RBM33: variants seen among roughly 807,000 people sequenced by gnomAD.
RBM33 encodes the protein RNA-binding protein 33.
RBM33 carries 28 observed loss-of-function variants against 132.6 expected under a neutral mutation model. The observed-to-expected ratio is 0.21, with a 90% CI of 0.16 to 0.29. The LOEUF is 0.29. Ranked by LOEUF, RBM33 falls within the 10% of genes least tolerant of loss-of-function variation. The pLI is 1.00. For missense variants in RBM33, 1,291 were observed against 1,518.5 expected (o/e 0.85, Z 2.49); for synonymous variants, 634 against 593.0 (o/e 1.07, Z -1.01).
chr7:155,683,557 G>A (rs1244144946), intron 5 of RBM33, among the ~76,000 whole-genome samples: 1 of 152,206 alleles, frequency 6.6e-6, no homozygotes, highest in East Asian at 1.9e-4. Context: ...AGAATGTACA[G>A]TGGGAGGGTT....
chr7:155,690,084 G>T (rs1375585820), intron 5 of RBM33, among the ~76,000 whole-genome samples: 3 of 151,990 alleles, frequency 2.0e-5, no homozygotes, highest in African/African-American at 7.3e-5. Flanking sequence ...AAAGTCTCCC[G>T]TTATTATTGT....
At chr7:155,707,585 T>G (rs757589879) in intron 7 of RBM33, among the ~76,000 whole-genome samples, 5 of 152,336 alleles carry the variant, frequency 3.3e-5, no homozygotes, top group Admixed American at 1.3e-4. Context: ...ACCTGTAATT[T>G]CAATTAGAAT....
chr7:155,700,126 C>T (rs1477886047), intron 5 of RBM33, among the ~76,000 whole-genome samples: 2 of 152,054 alleles, frequency 1.3e-5, no homozygotes, highest in Non-Finnish European at 2.9e-5. Flanking sequence ...AATAAAATTT[C>T]AGATAAAAGC....
At chr7:155,650,375 G>T (rs1380236796) in intron 1 of RBM33, among the ~76,000 whole-genome samples, 1 of 152,190 alleles carries the variant, frequency 6.6e-6, no homozygotes, top group Non-Finnish European at 1.5e-5. Flanking sequence ...GTGATTATGT[G>T]TTCTTCCCCT....
At chr7:155,769,428 G>T (rs751547829) in intron 16 of RBM33, among the ~76,000 whole-genome samples, 3 of 152,210 alleles carry the variant, frequency 2.0e-5, no homozygotes, top group African/African-American at 4.8e-5. Flanking sequence ...AGGCCAGGGG[G>T]GCTGCCGTCC....
chr7:155,673,947 T>TTG (rs1563138363), intron 3 of RBM33, among the ~76,000 whole-genome samples: 4 of 97,788 alleles, frequency 4.1e-5, no homozygotes, highest in African/African-American at 1.2e-4. Context: ...TTAGTTTTTT[T>TTG]TTTTTTTTTT....
At chr7:155,761,981 G>A (rs1802051227) in intron 14 of RBM33, among the ~76,000 whole-genome samples, 1 of 152,184 alleles carries the variant, frequency 6.6e-6, no homozygotes, top group South Asian at 2.1e-4. Context: ...TTTGTTCAGT[G>A]TTTGTATTAT....
intron 16 of RBM33, chr7:155,766,999 T>C: frequency 3.7e-6 from 1 of 273,610 alleles, no homozygotes; most frequent in Non-Finnish European, 6.8e-6. Context: ...TGTAATAACA[T>C]TACATTTTAA....
rs1021640844 is a variant in RBM33, at chr7:155,682,485, T to C, written c.567+1577T>C. On this transcript the variant is annotated intron_variant, in intron 5 of 17. Coordinates refer to ENST00000401878, the MANE Select transcript of RBM33 (RefSeq NM_053043.3). ...TTTTTGAAAATTAAACCAAGATCTTTTAGAATTGTGCCTAGTTATTGCCTA... is the reference window on the plus strand; with the variant it reads ...TTTTTGAAAATTAAACCAAGATCTTCTAGAATTGTGCCTAGTTATTGCCTA... Among the ~76,000 whole-genome samples the C allele has an allele frequency of 2.6e-5, 4 of 152,226 alleles. No individual in the cohort carries two copies. The East Asian group carries it at 5.8e-4, about 22-fold the overall frequency.
intron 5 of RBM33, chr7:155,685,146 A>G: frequency 7.7e-7 from 1 of 1,300,388 alleles, no homozygotes; most frequent in Non-Finnish European, 1.1e-6. Context: ...GAAAGTCGAT[A>G]CGTATCTTTG....
chr7:155,657,340 C>A (rs1798520441), intron 1 of RBM33, among the ~76,000 whole-genome samples: 1 of 152,064 alleles, frequency 6.6e-6, no homozygotes, highest in South Asian at 2.1e-4. Flanking sequence ...CCCTAGCTGT[C>A]CATCAGAATT....
At chr7:155,656,329 T>A in intron 1 of RBM33, among the ~76,000 whole-genome samples, 1 of 152,016 alleles carries the variant, frequency 6.6e-6, no homozygotes, top group Non-Finnish European at 1.5e-5. Context: ...AAATCATGGT[T>A]AAAGATCCAA....
intron 5 of RBM33, among the ~76,000 whole-genome samples, chr7:155,696,708 A>G (rs1799803866): frequency 6.6e-6 from 1 of 152,156 alleles, no homozygotes; most frequent in African/African-American, 2.4e-5. Context: ...AAAATGATGA[A>G]CCATGTTCCA....
chr7:155,770,490 G>T (rs1315410382), intron 16 of RBM33, among the ~76,000 whole-genome samples: 2 of 152,002 alleles, frequency 1.3e-5, no homozygotes, highest in Non-Finnish European at 2.9e-5. Flanking sequence ...CCGCTCTAGT[G>T]TCAGACTCTG....
intron 1 of RBM33, among the ~76,000 whole-genome samples, chr7:155,655,240 A>G (rs1798459454): frequency 6.6e-6 from 1 of 152,080 alleles, no homozygotes; most frequent in African/African-American, 2.4e-5. Flanking sequence ...ATTATTGGGG[A>G]TATTTTTTCA....
intron 9 of RBM33, 23 bp downstream of exon 9, chr7:155,718,466 C>A (rs757671569): frequency 6.3e-7 from 1 of 1,597,162 alleles, no homozygotes; most frequent in South Asian, 1.1e-5. Context: ...TGCTCCTTCT[C>A]CTTTGATAGG....
intron 3 of RBM33, 118 bp from the exon 4 acceptor site, chr7:155,678,490 C>T (rs935782507): frequency 5.0e-5 from 31 of 621,044 alleles, no homozygotes; most frequent in Non-Finnish European, 5.8e-5. Context: ...GAAAGCCTTC[C>T]GGGTGGCAAA....
At chr7:155,737,944 C>G (rs559445915) in intron 10 of RBM33, 116 bp from the exon 11 acceptor site, 1 of 968,950 alleles carries the variant, frequency 1.0e-6, no homozygotes, top group East Asian at 2.4e-5. Context: ...TTCCAACATT[C>G]ATAACCTGTC....
chr7:155,735,319 C>T (rs1801080883), intron 9 of RBM33, among the ~76,000 whole-genome samples: 1 of 152,310 alleles, frequency 6.6e-6, no homozygotes, highest in African/African-American at 2.4e-5. Flanking sequence ...TGAAACTCCT[C>T]ATGCAGATGT....
Sources: allele counts gnomAD v4.1 joint callset (sites outside exome capture counted in the v4.1 genomes callset), GRCh38; gene constraint gnomAD v4.1.1; transcripts MANE v1.5; gene names NCBI Gene and HGNC (gene_info 2026-07-23, HGNC 2026-07-21).